The following CADM1 variants were observed in gnomAD, a reference collection of about 807,000 sequenced individuals.
CADM1 encodes TSLC-1.
Under a neutral mutation model 53.1 loss-of-function variants are expected in CADM1, and 15 were observed. The observed-to-expected ratio is 0.28, with a 90% CI of 0.19 to 0.44. CADM1 has a LOEUF of 0.44. Among genes scored for constraint, CADM1 ranks in the 20% least tolerant of loss-of-function variants. CADM1 has a pLI of 1.00. For missense variants in CADM1, 434 were observed against 611.3 expected (o/e 0.71, Z 3.06); for synonymous variants, 281 against 243.0 (o/e 1.16, Z -1.45).
chr11:115,192,539 T>C (rs1939927434), intron 9 of CADM1, among the ~76,000 whole-genome samples: 2 of 152,216 alleles, frequency 1.3e-5, no homozygotes, highest in Admixed American at 6.5e-5. Context: ...CTGTTATAAA[T>C]AGGCAACATA....
intron 1 of CADM1, among the ~76,000 whole-genome samples, chr11:115,391,231 C>T (rs1946828664): frequency 6.6e-6 from 1 of 152,148 alleles, no homozygotes. Context: ...TTTAAATGAA[C>T]AAAAATAAAG....
chr11:115,178,769 C>A lies in CADM1; in HGVS notation c.1172G>T (p.Arg391Leu), dbSNP rs771024754. 6.2e-7 allele frequency: 1 copy of A among 1,613,928 alleles called. No individual in the cohort carries two copies. The highest frequency in any genetic ancestry group is 1.1e-5 in the South Asian group (1 of 91,056). ...ELDSEDLSDS[R>L]AGEEGSIRAV... ...CCTGATCGAGCCTTCTTCACCTGCT[C>A]GGGAATCTGTTAAAATCAGAAGAGG... is the stretch of plus-strand genomic sequence containing the variant. The change falls in exon 11 of 12, where the codon CGA (arginine) becomes CTA (leucine). Residue 391 changes from arginine to leucine, a missense_variant. Coordinates refer to ENST00000331581, the MANE Select transcript of CADM1 (RefSeq NM_001301043.2).
chr11:115,406,871 A>C (rs1251752444), intron 1 of CADM1, among the ~76,000 whole-genome samples: 1 of 151,384 alleles, frequency 6.6e-6, no homozygotes, highest in African/African-American at 2.4e-5. Flanking sequence ...AATCACTTGA[A>C]CCTGGGAGGT....
chr11:115,243,211 A>G (rs1239000306), intron 1 of CADM1, among the ~76,000 whole-genome samples: 1 of 152,216 alleles, frequency 6.6e-6, no homozygotes, highest in African/African-American at 2.4e-5. Context: ...CTGGCACATA[A>G]TGCGCTCTGC....
intron 1 of CADM1, among the ~76,000 whole-genome samples, chr11:115,422,479 G>T (rs1473981974): frequency 6.6e-6 from 1 of 152,186 alleles, no homozygotes; most frequent in Non-Finnish European, 1.5e-5. Context: ...CTGGTTTGAA[G>T]AAATGCCTGA....
At chr11:115,406,788 C>T (rs907183039) in intron 1 of CADM1, among the ~76,000 whole-genome samples, 5 of 150,800 alleles carry the variant, frequency 3.3e-5, no homozygotes, top group African/African-American at 7.3e-5. Flanking sequence ...CTCAACTAAA[C>T]ATACAAAAAA....
intron 1 of CADM1, among the ~76,000 whole-genome samples, chr11:115,492,367 A>G (rs1949515686): frequency 6.6e-6 from 1 of 152,224 alleles, no homozygotes; most frequent in Admixed American, 6.5e-5. Context: ...AAACATAGGG[A>G]ACGAAATGAG....
rs534096893 is a variant in CADM1, at chr11:115,364,049, CA to C, written c.125-123630del. ...TTGATTAAATCCACTCTATGATCCA[CA>C]AAAAAAAAAAATCTACATTTTTGCA... On this transcript the variant is annotated intron_variant, in intron 1 of 11. Transcript: ENST00000331581. Among the ~76,000 whole-genome samples the C allele has an allele frequency of 4.3e-3, 619 of 142,720 alleles. 2 individuals are homozygous for C. The highest frequency in any genetic ancestry group is 0.013 in the African/African-American group (494 of 39,160). 93.6% of individuals were successfully genotyped at this position (142,720 alleles called of 152,430 possible).
At chr11:115,248,133 G>T (rs1942467029) in intron 1 of CADM1, among the ~76,000 whole-genome samples, 1 of 152,168 alleles carries the variant, frequency 6.6e-6, no homozygotes, top group Non-Finnish European at 1.5e-5. Context: ...GTGTGTATTG[G>T]TTTTTGACAT....
In CADM1 at chr11:115,174,059, T is replaced by C. The variant is rs1591572420; in HGVS notation, c.*2415A>G. 1.0e-6 allele frequency: 1 copy of C among 976,740 alleles called. No individual in the cohort carries two copies. The highest frequency in any genetic ancestry group is 1.2e-6 in the Non-Finnish European group (1 of 825,502). The allele number at this position is 976,740 out of a possible 1,614,324, so 60.5% of individuals were successfully genotyped here. ...TCCATAATTTCCTGTTTTTGCTTTG[T>C]TTTATTATTATTTTTTCCAATGTGT... On this transcript the variant is annotated 3_prime_UTR_variant, in exon 12 of 12. Transcript: ENST00000331581.
Position 115,238,549 on chromosome 11 carries a change from C to T in CADM1, c.375G>A (p.Gln125=). Residue 125 remains glutamine (Q), a synonymous_variant, in exon 3 of 12, where the codon CAG becomes CAA. Coordinates refer to ENST00000331581, the MANE Select transcript of CADM1 (RefSeq NM_001301043.2). ...SISDEGRYFC[Q]LYTDPPQESY... ...TTTCCTGTGGGGGATCGGTATAGAG[C>T]TGGCAAAAGTATCTTCCTTCATCAG... 3.7e-6 allele frequency: 6 copies of T among 1,613,862 alleles called. No individual in the cohort carries two copies. The highest frequency in any genetic ancestry group is 5.1e-6 in the Non-Finnish European group (6 of 1,179,844).
Position 115,410,476 on chromosome 11 carries a change from C to T in CADM1, c.124+93795G>A, listed in dbSNP as rs1256854999. Among the ~76,000 whole-genome samples, 3 of 151,990 alleles carry T rather than the reference C, an allele frequency of 2.0e-5. No homozygotes were observed. In the East Asian group the frequency reaches 5.8e-4, roughly 29 times the overall value. On this transcript the variant is annotated intron_variant, in intron 1 of 11. Coordinates refer to ENST00000331581, the MANE Select transcript of CADM1 (RefSeq NM_001301043.2). ...CCTCTCTAAGAAAAATAAACAAAGT[C>T]TAGAGGCAGAATGGGAGGGTGGGGG...
chr11:115,426,582 A>T (rs1336895921), intron 1 of CADM1, among the ~76,000 whole-genome samples: 2 of 152,116 alleles, frequency 1.3e-5, no homozygotes, highest in Non-Finnish European at 2.9e-5. Flanking sequence ...GCGCAGAAAC[A>T]CCTGTGGCTG....
intron 1 of CADM1, among the ~76,000 whole-genome samples, chr11:115,267,857 C>CAATGA (rs1943188781): frequency 6.6e-6 from 1 of 151,432 alleles, no homozygotes; most frequent in Non-Finnish European, 1.5e-5. Flanking sequence ...CAGGAACAGC[C>CAATGA]CCCTTGGAGG....
intron 1 of CADM1, among the ~76,000 whole-genome samples, chr11:115,496,383 T>C (rs902263324): frequency 2.0e-5 from 3 of 152,200 alleles, no homozygotes; most frequent in African/African-American, 7.2e-5. Flanking sequence ...GAGTATTTTA[T>C]GCAAAGGTAA....
At chr11:115,461,234 T>C (rs1462848891) in intron 1 of CADM1, among the ~76,000 whole-genome samples, 2 of 152,188 alleles carry the variant, frequency 1.3e-5, no homozygotes, top group Non-Finnish European at 2.9e-5. Context: ...AATTGGATAG[T>C]ATACATCTCA....
chr11:115,282,774 T>C (rs1177906269), intron 1 of CADM1, among the ~76,000 whole-genome samples: 1 of 152,156 alleles, frequency 6.6e-6, no homozygotes, highest in Non-Finnish European at 1.5e-5. Flanking sequence ...AGAAGGACTA[T>C]GAATTAGGGA....
In CADM1 at chr11:115,308,192, G is replaced by GTATATA. The variant is rs1387092815; in HGVS notation, c.125-67773_125-67772insTATATA. 1.6e-4 allele frequency among the ~76,000 whole-genome samples: 11 copies of GTATATA among 70,454 alleles called. 1 individual carries two copies. Among genetic ancestry groups the GTATATA allele is most frequent in the African/African-American group, 7.0e-4 (11 of 15,738 alleles). The allele number at this position is 70,454 out of a possible 152,430, so 46.2% of individuals were successfully genotyped here. A position where few individuals can be genotyped will look rare whatever the true frequency, so the allele number is the denominator to read the frequency against. On this transcript the variant is annotated intron_variant, in intron 1 of 11. Transcript: ENST00000331581. ...GTGTGTGTGTATATCACTCATAGGT[G>GTATATA]TGTATATATATATATATATACACAC...
chr11:115,254,545 GACAAAC>G (rs1450943135), intron 1 of CADM1, among the ~76,000 whole-genome samples: 5 of 129,636 alleles, frequency 3.9e-5, no homozygotes, highest in Admixed American at 2.3e-4. Flanking sequence ...GCGCAAGGGA[GACAAAC>G]ACACACACAC....
Sources: gnomAD v4.1 joint callset for allele counts (sites outside exome capture counted in the v4.1 genomes callset) on GRCh38, gnomAD v4.1.1 for gene constraint, MANE v1.5 for transcripts, NCBI Gene and HGNC (gene_info 2026-07-23, HGNC 2026-07-21) for gene names.